The following SOX5 variants were observed in gnomAD, a reference collection of about 807,000 sequenced individuals.
SOX5 encodes the protein SRY-box transcription factor 5.
SOX5 carries 9 observed loss-of-function variants against 92.0 expected under a neutral mutation model. That is an observed-to-expected ratio of 0.10 (90% CI 0.06 to 0.17). The LOEUF (loss-of-function observed/expected upper bound fraction) is 0.17, where lower values mean the gene tolerates loss of function less well. SOX5 is among the 10% of genes least tolerant of loss of function. The pLI, the probability that SOX5 is intolerant of heterozygous loss-of-function variation, is 1.00. For missense variants in SOX5, 642 were observed against 944.5 expected (o/e 0.68, Z 4.20); for synonymous variants, 344 against 336.3 (o/e 1.02, Z -0.25).
At chr12:24,338,648 TC>T (rs1301633343) in intron 2 of SOX5, among the ~76,000 whole-genome samples, 1 of 152,168 alleles carries the variant, frequency 6.6e-6, no homozygotes, top group African/African-American at 2.4e-5. Flanking sequence ...GCTCCCATAA[TC>T]CCCATGTGTT....
At chr12:23,650,279 C>G (rs888856666) in intron 7 of SOX5, among the ~76,000 whole-genome samples, 1 of 152,116 alleles carries the variant, frequency 6.6e-6, no homozygotes, top group Non-Finnish European at 1.5e-5. Context: ...TGAGGTGTCT[C>G]TTAAAAGATG....
At chr12:23,665,600 G>A in intron 6 of SOX5, 36 bp from the exon 7 acceptor site, 1 of 1,573,438 alleles carries the variant, frequency 6.4e-7, no homozygotes, top group South Asian at 1.2e-5. Context: ...AAGAGAAGAA[G>A]TTTCGATGCT....
intron 4 of SOX5, among the ~76,000 whole-genome samples, chr12:24,089,964 G>A (rs973565122): frequency 1.3e-5 from 2 of 152,020 alleles, no homozygotes; most frequent in South Asian, 2.1e-4. Flanking sequence ...GCAGCATGTA[G>A]GTATTTTTTT....
At chr12:24,122,433 G>A (rs1948721197) in intron 4 of SOX5, among the ~76,000 whole-genome samples, 1 of 152,142 alleles carries the variant, frequency 6.6e-6, no homozygotes, top group South Asian at 2.1e-4. Flanking sequence ...CTTATTATGA[G>A]CATGTTTTTA....
Position 24,393,477 on chromosome 12 carries a change from A to G in SOX5, c.-250-24838T>C, listed in dbSNP as rs1170957265. Among the ~76,000 whole-genome samples the G allele has an allele frequency of 6.6e-6, 1 of 152,204 alleles. No homozygotes were observed. Among genetic ancestry groups the G allele is most frequent in the Non-Finnish European group, 1.5e-5 (1 of 68,026 alleles). ...GATAATCAGCTTTAGGGTCATCTGT[A>G]CTGAGTCTACCACCCACCCCAAAAT... On this transcript the variant is annotated intron_variant, in intron 1 of 4. Coordinates refer to the SOX5 transcript ENST00000446891. The surrounding 1 kb of genome is among the most constrained non-coding windows in gnomAD (Gnocchi z 5.0).
At chr12:23,938,265 C>T (rs542479067) in intron 1 of SOX5, among the ~76,000 whole-genome samples, 96 of 151,004 alleles carry the variant, frequency 6.4e-4, no homozygotes, top group African/African-American at 2.3e-3. Context: ...ATTTGGTTTG[C>T]TTGTTATAGA....
chr12:24,506,465 G>A (rs1390532080), intron 1 of SOX5, among the ~76,000 whole-genome samples: 1 of 150,962 alleles, frequency 6.6e-6, no homozygotes, highest in Non-Finnish European at 1.5e-5. Flanking sequence ...TCTTGTTTGG[G>A]GTAGTTTGTG....
chr12:24,102,228 A>G (rs1946174186), intron 4 of SOX5, among the ~76,000 whole-genome samples: 1 of 152,144 alleles, frequency 6.6e-6, no homozygotes, highest in Non-Finnish European at 1.5e-5. Flanking sequence ...GTGTCTTTTA[A>G]CAGCTCATTG....
chr12:24,405,995 T>G (rs148943637), intron 1 of SOX5, among the ~76,000 whole-genome samples: 1 of 152,070 alleles, frequency 6.6e-6, no homozygotes, highest in South Asian at 2.1e-4. Context: ...TGGGCCTGTA[T>G]GTACCCCCTG....
At chr12:24,053,186 C>CTT (rs771905340) in intron 4 of SOX5, among the ~76,000 whole-genome samples, 49 of 144,528 alleles carry the variant, frequency 3.4e-4, no homozygotes, top group African/African-American at 4.4e-4. Context: ...ACGCCCCCCC[C>CTT]CTTTTTTTTT....
chr12:24,434,186 T>C lies in SOX5; in HGVS notation c.-250-65547A>G, dbSNP rs112848682. ...ATGACCTTTACCATATTAGTACAAA[T>C]GACATCATGAGTGGCATCGTGATCA... On this transcript the variant is annotated intron_variant, in intron 1 of 4. Coordinates refer to the SOX5 transcript ENST00000446891. Among the ~76,000 whole-genome samples, 605 of 151,990 alleles carry C rather than the reference T, an allele frequency of 4.0e-3. 4 individuals are homozygous for C. Among genetic ancestry groups the C allele is most frequent in the Middle Eastern group, 0.017 (5 of 294 alleles).
At chr12:24,498,490 T>A (rs187568004) in intron 1 of SOX5, among the ~76,000 whole-genome samples, 1 of 152,286 alleles carries the variant, frequency 6.6e-6, no homozygotes, top group East Asian at 1.9e-4. Context: ...ATAGGAGTGT[T>A]ACAAACTTAG....
In SOX5 at chr12:24,251,317, T is replaced by C. The variant is rs188648123; in HGVS notation, c.-77+25899A>G. ...AAAGTATGTTAAGGTTGAACAACTA[T>C]AGTCTCAAAATACATTTTACTGATA... On this transcript the variant is annotated intron_variant, in intron 3 of 4. Coordinates refer to the SOX5 transcript ENST00000446891. Among the ~76,000 whole-genome samples the C allele has an allele frequency of 9.8e-5, 15 of 152,344 alleles. No individual in the cohort carries two copies. The East Asian group carries it at 2.3e-3, about 24-fold the overall frequency.
chr12:23,923,789 TTATTTA>T (rs1236039636), intron 1 of SOX5, among the ~76,000 whole-genome samples: 1 of 152,222 alleles, frequency 6.6e-6, no homozygotes, highest in Non-Finnish European at 1.5e-5. Flanking sequence ...TTACGTGATT[TTATTTA>T]TGCTGGTGCT....
chr12:24,359,964 G>C (rs1565983230), intron 2 of SOX5, among the ~76,000 whole-genome samples: 1 of 152,182 alleles, frequency 6.6e-6, no homozygotes, highest in Non-Finnish European at 1.5e-5. Flanking sequence ...AGAAAATGAA[G>C]AGGATTAGTG....
chr12:23,789,273 G>A (rs1200527434), intron 3 of SOX5, among the ~76,000 whole-genome samples: 1 of 151,494 alleles, frequency 6.6e-6, no homozygotes, highest in Admixed American at 6.6e-5. Flanking sequence ...ATTTTCAAAG[G>A]CCATCTTGCC....
chr12:23,534,556 G>A (rs778391763), intron 14 of SOX5, 34 bp from the exon 15 acceptor site: 1 of 1,559,614 alleles, frequency 6.4e-7, no homozygotes, highest in Non-Finnish European at 8.8e-7. Context: ...AAGACATCGT[G>A]GGTAAGTGAA....
At chr12:24,225,499 C>T (rs1239721674) in intron 3 of SOX5, among the ~76,000 whole-genome samples, 10 of 149,208 alleles carry the variant, frequency 6.7e-5, no homozygotes, top group African/African-American at 2.5e-4. Context: ...TTTTTCCCCA[C>T]TTAGAGTTAC....
intron 1 of SOX5, among the ~76,000 whole-genome samples, chr12:24,391,576 G>C (rs1959001281): frequency 6.6e-6 from 1 of 152,012 alleles, no homozygotes; most frequent in East Asian, 1.9e-4. Flanking sequence ...CAGTTCTTCG[G>C]CTATTAATCC....
Sources: gnomAD v4.1 joint callset for allele counts (sites outside exome capture counted in the v4.1 genomes callset) on GRCh38, gnomAD v4.1.1 for gene constraint, Gnocchi (gnomAD v3.1) non-coding constraint, MANE v1.5 for transcripts, NCBI Gene and HGNC (gene_info 2026-07-23, HGNC 2026-07-21) for gene names.